NHERF1: variants seen among roughly 807,000 people sequenced by gnomAD.
NHERF1 encodes NHERF family PDZ scaffold protein 1, also known as Na(+)/H(+) exchange regulatory cofactor NHE-RF1.
At chr17:74,749,088 C>T in the NHERF1 span, 87 of 1,587,832 alleles carry the variant, frequency 5.5e-5, no homozygotes, top group African/African-American at 1.0e-3. The surrounding 1 kb of genome is among the most constrained non-coding windows in gnomAD (Gnocchi z 5.6). Context: ...CGCATCCGCG[C>T]CGCACTCAAC....
At chr17:74,763,301 C>T in the NHERF1 span, 1 of 1,532,332 alleles carries the variant, frequency 6.5e-7, no homozygotes, top group African/African-American at 1.4e-5. Context: ...CCCCCAACCC[C>T]CCTCCACTTA....
the NHERF1 span, among the ~76,000 whole-genome samples, chr17:74,760,798 C>T: frequency 1.3e-5 from 2 of 152,224 alleles, no homozygotes; most frequent in African/African-American, 2.4e-5. This position sits in a 1 kb window ranked among gnomAD's most constrained non-coding sequence, Gnocchi z 4.5. Flanking sequence ...GCCTCAGCAA[C>T]CCTGGGAGGC....
chr17:74,762,022 G>C, the NHERF1 span: 1 of 1,613,972 alleles, frequency 6.2e-7, no homozygotes, highest in Non-Finnish European at 8.5e-7. The surrounding 1 kb of genome is among the most constrained non-coding windows in gnomAD (Gnocchi z 4.2). Flanking sequence ...CGCGAGCTTC[G>C]GCCTCGGCTC....
chr17:74,754,220 C>G, the NHERF1 span, among the ~76,000 whole-genome samples: 1 of 151,792 alleles, frequency 6.6e-6, no homozygotes, highest in East Asian at 1.9e-4. Context: ...TGCTGCAGGA[C>G]TCTTTACAGG....
At chr17:74,768,575 G>C in the NHERF1 span, 2 of 1,614,146 alleles carry the variant, frequency 1.2e-6, no homozygotes, top group Non-Finnish European at 1.7e-6. Flanking sequence ...TGGCCAAAGA[G>C]AGGGCCCACC....
chr17:74,768,641 C>T, the NHERF1 span: 1 of 1,613,986 alleles, frequency 6.2e-7, no homozygotes, highest in Non-Finnish European at 8.5e-7. Flanking sequence ...AAAACGAACT[C>T]TTCAGCAACC....
At chr17:74,766,506 AC>A in the NHERF1 span, among the ~76,000 whole-genome samples, 2 of 151,840 alleles carry the variant, frequency 1.3e-5, no homozygotes, top group African/African-American at 2.4e-5. Context: ...CCTGGCCCAG[AC>A]ATTTTTTTGT....
the NHERF1 span, among the ~76,000 whole-genome samples, chr17:74,757,350 A>C: frequency 6.6e-6 from 1 of 152,186 alleles, no homozygotes; most frequent in Non-Finnish European, 1.5e-5. Flanking sequence ...GACTTTTTTT[A>C]AAATGGACAC....
At chr17:74,767,186 G>C in the NHERF1 span, among the ~76,000 whole-genome samples, 8 of 152,170 alleles carry the variant, frequency 5.3e-5, no homozygotes, top group African/African-American at 1.9e-4. Context: ...GGAGCGGGCT[G>C]GCTGGGCCCC....
chr17:74,763,393 G>A, the NHERF1 span: 1 of 1,614,146 alleles, frequency 6.2e-7, no homozygotes, highest in Non-Finnish European at 8.5e-7. Context: ...TGGAGGGGAA[G>A]CAGCATGGGG....
the NHERF1 span, chr17:74,768,409 G>A: frequency 4.4e-6 from 7 of 1,587,930 alleles, no homozygotes; most frequent in Non-Finnish European, 6.1e-6. Context: ...CAAGGCTGAG[G>A]ACCAGGGAGC....
At chr17:74,767,883 G>A in the NHERF1 span, 2 of 570,580 alleles carry the variant, frequency 3.5e-6, no homozygotes, top group Non-Finnish European at 6.6e-6. Flanking sequence ...CCAGGGAGAG[G>A]GAGCGGTTCA....
the NHERF1 span, among the ~76,000 whole-genome samples, chr17:74,751,822 G>C: frequency 6.6e-6 from 1 of 152,248 alleles, no homozygotes; most frequent in South Asian, 2.1e-4. The surrounding 1 kb of genome is among the most constrained non-coding windows in gnomAD (Gnocchi z 4.3). Flanking sequence ...CAGCTCAGCT[G>C]TACTAGCCAG....
At chr17:74,762,104 C>A in the NHERF1 span, 1 of 1,614,204 alleles carries the variant, frequency 6.2e-7, no homozygotes, top group Non-Finnish European at 8.5e-7. This position sits in a 1 kb window ranked among gnomAD's most constrained non-coding sequence, Gnocchi z 4.2. Context: ...CAGGCCAGTT[C>A]ATCCGGTCAG....
At chr17:74,763,427 G>A in the NHERF1 span, 5 of 1,614,012 alleles carry the variant, frequency 3.1e-6, no homozygotes, top group Admixed American at 8.3e-5. Context: ...CATCAGGGCT[G>A]GCGGGGACGA....
chr17:74,763,533 G>GT, the NHERF1 span: 1 of 1,576,472 alleles, frequency 6.3e-7, no homozygotes, highest in Non-Finnish European at 8.6e-7. Flanking sequence ...AAGCCAGGTG[G>GT]GGCCACTGGC....
At chr17:74,748,639 G>A in the NHERF1 span, 1 of 499,886 alleles carries the variant, frequency 2.0e-6, no homozygotes, top group Non-Finnish European at 3.5e-6. This position sits in a 1 kb window ranked among gnomAD's most constrained non-coding sequence, Gnocchi z 4.3. Context: ...GACGCCGCGC[G>A]GGGCGGGGAT....
the NHERF1 span, chr17:74,768,668 C>T: frequency 6.2e-7 from 1 of 1,611,510 alleles, no homozygotes; most frequent in Admixed American, 1.7e-5. Context: ...CGCCCTGCTG[C>T]CACCCAGTGA....
At chr17:74,763,421 AG>A in the NHERF1 span, 2 of 1,613,920 alleles carry the variant, frequency 1.2e-6, no homozygotes, top group Non-Finnish European at 1.7e-6. Flanking sequence ...GTCCGCCATC[AG>A]GGCTGGCGGG....
Sources: gnomAD v4.1 joint callset for allele counts (sites outside exome capture counted in the v4.1 genomes callset) on GRCh38, gnomAD v4.1.1 for gene constraint, Gnocchi (gnomAD v3.1) non-coding constraint, MANE v1.5 for transcripts, NCBI Gene and HGNC (gene_info 2026-07-23, HGNC 2026-07-21) for gene names.